The following PTPRD variants were observed in gnomAD, a reference collection of about 807,000 sequenced individuals.
PTPRD encodes protein tyrosine phosphatase receptor type D, also known as receptor-type tyrosine-protein phosphatase delta.
In PTPRD, 34 loss-of-function variants were observed where a neutral mutation model predicts 214.5. The ratio of observed to expected loss-of-function variants is 0.16; its 90% CI spans 0.12 to 0.21. PTPRD has a LOEUF of 0.21. PTPRD is among the 10% of genes least tolerant of loss of function. The probability of loss-of-function intolerance (pLI) is 1.00; values close to 1 mark genes in which losing one functional copy is unlikely to be tolerated. For synonymous variants in PTPRD, 1,128 were observed against 845.7 expected (o/e 1.33, Z -5.79); for missense variants, 2,545 against 2,398.7 (o/e 1.06, Z -1.27).
At chr9:10,471,698 T>C (rs1451424358) in intron 2 of PTPRD, among the ~76,000 whole-genome samples, 1 of 152,144 alleles carries the variant, frequency 6.6e-6, no homozygotes, top group African/African-American at 2.4e-5. Context: ...AAAGACTTCA[T>C]GGAAATATTT....
chr9:9,791,118 A>G (rs1195184228), intron 5 of PTPRD, among the ~76,000 whole-genome samples: 1 of 152,154 alleles, frequency 6.6e-6, no homozygotes, highest in Non-Finnish European at 1.5e-5. Context: ...TTTAGGAACT[A>G]TAAAATATTT....
At chr9:8,835,267 T>G (rs2097392810) in intron 11 of PTPRD, among the ~76,000 whole-genome samples, 1 of 152,190 alleles carries the variant, frequency 6.6e-6, no homozygotes, top group African/African-American at 2.4e-5. Context: ...GCATTTCAGG[T>G]GCGTGGGCAC....
At chr9:9,499,843 G>C (rs190778947) in intron 8 of PTPRD, among the ~76,000 whole-genome samples, 1 of 152,098 alleles carries the variant, frequency 6.6e-6, no homozygotes, top group East Asian at 1.9e-4. Context: ...TAAAAGATAA[G>C]AGACTAATGA....
intron 2 of PTPRD, among the ~76,000 whole-genome samples, chr9:10,508,964 A>G (rs1466082170): frequency 6.6e-6 from 1 of 152,078 alleles, no homozygotes; most frequent in African/African-American, 2.4e-5. Flanking sequence ...AATAATAGTA[A>G]AAATATAAAT....
At chr9:9,506,270 T>C (rs1718954258) in intron 8 of PTPRD, among the ~76,000 whole-genome samples, 1 of 151,398 alleles carries the variant, frequency 6.6e-6, no homozygotes, top group Non-Finnish European at 1.5e-5. Context: ...CCATTCATAC[T>C]GAGGACAAAA....
intron 8 of PTPRD, among the ~76,000 whole-genome samples, chr9:9,542,752 A>C (rs983407135): frequency 2.6e-5 from 4 of 151,770 alleles, no homozygotes; most frequent in African/African-American, 9.7e-5. Context: ...AAATTAAACC[A>C]CAATGAGATG....
At chr9:8,983,077 C>T (rs1567393285) in intron 11 of PTPRD, among the ~76,000 whole-genome samples, 1 of 151,798 alleles carries the variant, frequency 6.6e-6, no homozygotes, top group East Asian at 1.9e-4. Flanking sequence ...TACACTTTTT[C>T]TTTTTTTCAT....
intron 33 of PTPRD, among the ~76,000 whole-genome samples, chr9:8,453,393 T>C (rs2096045759): frequency 6.6e-6 from 1 of 151,970 alleles, no homozygotes; most frequent in African/African-American, 2.4e-5. Context: ...CTCGATCTCC[T>C]GACCTTGTGA....
intron 8 of PTPRD, among the ~76,000 whole-genome samples, chr9:9,432,572 A>T (rs552021552): frequency 6.6e-5 from 10 of 152,316 alleles, no homozygotes; most frequent in Admixed American, 5.2e-4. Context: ...CTCTCTGAAG[A>T]TCTTTTATTC....
In PTPRD at chr9:9,279,959, T is replaced by A. The variant is rs1016575990; in HGVS notation, c.-202-96596A>T. 4.0e-5 allele frequency among the ~76,000 whole-genome samples: 6 copies of A among 151,348 alleles called. No homozygotes were observed. In the East Asian group the frequency reaches 1.2e-3, roughly 30 times the overall value. On this transcript the variant is annotated intron_variant, in intron 9 of 45. Coordinates refer to ENST00000381196, the MANE Select transcript of PTPRD (RefSeq NM_002839.4). Reference sequence around the variant, plus strand: ...AAACATTTATATATTTTTCAGGTTGTGGAAGCTCAAAAATTTAATTGACTG... The same window carrying A: ...AAACATTTATATATTTTTCAGGTTGAGGAAGCTCAAAAATTTAATTGACTG...
rs1436238049 is a variant in PTPRD, at chr9:8,524,450, TAG to T, written c.679+473_679+474del. The stretch of plus-strand genomic sequence containing the variant: ...CTATTTGCATGTAGCACTTGTTTTA[TAG>T]AGTTAGCAGCTTTATCCTTACAGTT... On this transcript the variant is annotated intron_variant, in intron 18 of 45. Transcript: ENST00000381196. Among the ~76,000 whole-genome samples, 3 of 152,286 alleles carry T rather than the reference TAG, an allele frequency of 2.0e-5. No homozygotes were observed. In the East Asian group the frequency reaches 5.8e-4, roughly 29 times the overall value.
chr9:9,037,089 A>G (rs1401958827), intron 10 of PTPRD, among the ~76,000 whole-genome samples: 1 of 152,188 alleles, frequency 6.6e-6, no homozygotes, highest in Non-Finnish European at 1.5e-5. Context: ...GAAACCCGTT[A>G]ATAACAGGAA....
intron 7 of PTPRD, among the ~76,000 whole-genome samples, chr9:9,669,264 A>G (rs145229146): frequency 5.9e-5 from 9 of 152,316 alleles, no homozygotes; most frequent in South Asian, 4.1e-4. Flanking sequence ...TAACCTCTAC[A>G]GTTGGCGAGA....
At chr9:10,460,897 C>A (rs939327053) in intron 2 of PTPRD, among the ~76,000 whole-genome samples, 7 of 151,930 alleles carry the variant, frequency 4.6e-5, no homozygotes, top group African/African-American at 1.5e-4. Flanking sequence ...AAAGAAACGG[C>A]ATCAAATAAA....
chr9:8,937,373 A>G (rs1159749605), intron 11 of PTPRD, among the ~76,000 whole-genome samples: 17 of 152,208 alleles, frequency 1.1e-4, no homozygotes, highest in Non-Finnish European at 2.5e-4. Flanking sequence ...TCAGAATCAC[A>G]GTTGAGTATG....
At chr9:8,911,971 C>A (rs1290918589) in intron 11 of PTPRD, among the ~76,000 whole-genome samples, 1 of 152,108 alleles carries the variant, frequency 6.6e-6, no homozygotes, top group Non-Finnish European at 1.5e-5. Context: ...CCTAGTCCCA[C>A]TAGAATGACT....
chr9:9,849,401 T>C (rs1209902961), intron 5 of PTPRD, among the ~76,000 whole-genome samples: 1 of 152,124 alleles, frequency 6.6e-6, no homozygotes, highest in South Asian at 2.1e-4. Flanking sequence ...TTTCAGTTTT[T>C]ACACAAAAGC....
intron 3 of PTPRD, among the ~76,000 whole-genome samples, chr9:10,089,761 A>G (rs145868429): frequency 0.012 from 1,884 of 151,718 alleles, 38 homozygotes; most frequent in African/African-American, 0.04. Flanking sequence ...CTCTGGCCAA[A>G]TTCTAACTTC....
At chr9:8,737,730 T>C (rs1490834690) in intron 11 of PTPRD, among the ~76,000 whole-genome samples, 4 of 152,084 alleles carry the variant, frequency 2.6e-5, no homozygotes, top group Non-Finnish European at 4.4e-5. Flanking sequence ...AGCTCTCTGC[T>C]ACCTCCGCCT....
Sources: gnomAD v4.1 joint callset for allele counts (sites outside exome capture counted in the v4.1 genomes callset) on GRCh38, gnomAD v4.1.1 for gene constraint, MANE v1.5 for transcripts, NCBI Gene and HGNC (gene_info 2026-07-23, HGNC 2026-07-21) for gene names.